The following R3HDM2 variants were observed in gnomAD, a reference collection of about 807,000 sequenced individuals.
R3HDM2 encodes R3H domain-containing protein 2.
A neutral mutation model predicts 124.5 loss-of-function variants in R3HDM2; 38 were observed. The ratio of observed to expected loss-of-function variants is 0.31; its 90% CI spans 0.24 to 0.40. The LOEUF (loss-of-function observed/expected upper bound fraction) is 0.40. Ranked by LOEUF, R3HDM2 falls within the 10% of genes least tolerant of loss-of-function variation. The pLI is 1.00. For missense variants in R3HDM2, 869 were observed against 1,236.9 expected (o/e 0.70, Z 4.46); for synonymous variants, 391 against 448.0 (o/e 0.87, Z 1.61).
intron 2 of R3HDM2, among the ~76,000 whole-genome samples, chr12:57,315,552 A>G (rs2054835112): frequency 6.6e-6 from 1 of 152,226 alleles, no homozygotes; most frequent in East Asian, 1.9e-4. Context: ...CAAAATGACA[A>G]CTTTGCAGCT....
intron 2 of R3HDM2, among the ~76,000 whole-genome samples, chr12:57,365,536 T>C (rs2062536616): frequency 6.6e-6 from 1 of 152,230 alleles, no homozygotes; most frequent in East Asian, 1.9e-4. Flanking sequence ...TATAACTTTC[T>C]TCATGATTTT....
chr12:57,301,618 T>C (rs1035415222), intron 4 of R3HDM2, among the ~76,000 whole-genome samples: 11 of 152,240 alleles, frequency 7.2e-5, no homozygotes, highest in Admixed American at 2.0e-4. Context: ...GTAAGTAACC[T>C]TTGTTTTGAA....
chr12:57,355,064 G>A (rs2061109717), intron 2 of R3HDM2, among the ~76,000 whole-genome samples: 1 of 151,910 alleles, frequency 6.6e-6, no homozygotes. Context: ...GGGATTACAG[G>A]CATAAGACAC....
rs748462019 is a variant in R3HDM2 at position 57,413,428 on chromosome 12, T to TAA, written c.-106+17290_-106+17291dup. ...GGCCAATATAGTGCAACCTTCTATT[T>TAA]AAAAAAAAAAAAAAAAAAAAAAGCA... On this transcript the variant is annotated intron_variant, in intron 1 of 23. Coordinates refer to ENST00000402412, the MANE Select transcript of R3HDM2 (RefSeq NM_001394031.1). Among the ~76,000 whole-genome samples the TAA allele has an allele frequency of 8.0e-3, 852 of 106,454 alleles. 8 individuals carry two copies. The highest frequency in any genetic ancestry group is 0.013 in the Non-Finnish European group (638 of 50,706). 69.8% of individuals were successfully genotyped at this position (106,454 alleles called of 152,430 possible).
intron 1 of R3HDM2, among the ~76,000 whole-genome samples, chr12:57,416,585 T>C (rs2069629990): frequency 6.6e-6 from 1 of 152,186 alleles, no homozygotes; most frequent in African/African-American, 2.4e-5. Context: ...TGAGAAGGGC[T>C]GATTCAGCCC....
chr12:57,300,847 T>C (rs2050959840), intron 4 of R3HDM2, among the ~76,000 whole-genome samples: 3 of 152,154 alleles, frequency 2.0e-5, no homozygotes, highest in Admixed American at 2.0e-4. Context: ...CTCACACCTG[T>C]AAACCTGGCA....
At chr12:57,359,717 G>A (rs1299087147) in intron 2 of R3HDM2, among the ~76,000 whole-genome samples, 3 of 151,898 alleles carry the variant, frequency 2.0e-5, no homozygotes, top group Non-Finnish European at 4.4e-5. Flanking sequence ...GATTTAAATC[G>A]ACCACACTTG....
At chr12:57,323,236 G>A (rs1462076710) in intron 2 of R3HDM2, among the ~76,000 whole-genome samples, 3 of 152,114 alleles carry the variant, frequency 2.0e-5, no homozygotes, top group African/African-American at 4.8e-5. Flanking sequence ...GTATAACTGC[G>A]TGCCTGAAGA....
chr12:57,279,311 T>C (rs2045610397), intron 14 of R3HDM2, among the ~76,000 whole-genome samples: 1 of 150,820 alleles, frequency 6.6e-6, no homozygotes, highest in Non-Finnish European at 1.5e-5. Flanking sequence ...GCCTCCCTAG[T>C]AGCTGGGATT....
Position 57,430,753 on chromosome 12 carries a change from T to G in R3HDM2, c.-139A>C. 1 of 198,982 alleles carries G rather than the reference T, an allele frequency of 5.0e-6. No homozygotes were observed. The highest frequency in any genetic ancestry group is 8.8e-6 in the Non-Finnish European group (1 of 113,382). 12.3% of individuals were successfully genotyped at this position (198,982 alleles called of 1,614,324 possible). On this transcript the variant is annotated 5_prime_UTR_variant, in exon 1 of 24. Transcript: ENST00000402412. ...GGCCTTGGCGGGGAGGGCGCCCACG[T>G]CTCCGCCCGCCGCCCGGGCCCACGG...
At chr12:57,265,650 G>C (rs1447228355) in intron 19 of R3HDM2, among the ~76,000 whole-genome samples, 1 of 152,136 alleles carries the variant, frequency 6.6e-6, no homozygotes, top group African/African-American at 2.4e-5. Context: ...CCTAGAGACA[G>C]GGTCCCACTC....
At chr12:57,395,936 A>C (rs2067434315) in intron 1 of R3HDM2, 118 bp from the exon 2 acceptor site, 6 of 305,336 alleles carry the variant, frequency 2.0e-5, no homozygotes, top group Non-Finnish European at 2.9e-5. Flanking sequence ...CAATTTCTTC[A>C]GCTCACAATG....
intron 2 of R3HDM2, among the ~76,000 whole-genome samples, chr12:57,328,568 C>T (rs1028637355): frequency 6.6e-6 from 1 of 152,080 alleles, no homozygotes; most frequent in Non-Finnish European, 1.5e-5. Context: ...AGTAGGTTGC[C>T]CAGGCTGGAG....
rs572971150 is a variant in R3HDM2, at chr12:57,267,492, T to G, written c.2031-661A>C. On this transcript the variant is annotated intron_variant, in intron 18 of 23. Coordinates refer to ENST00000402412, the MANE Select transcript of R3HDM2 (RefSeq NM_001394031.1). ...ATTGCTTGAACCCAGGAGGTAGAGG[T>G]TGCAGTGAGCTGAGATTGTCATTGT... Among the ~76,000 whole-genome samples the G allele has an allele frequency of 3.9e-5, 6 of 152,054 alleles. No homozygotes were observed. The East Asian group carries it at 1.2e-3, about 29-fold the overall frequency.
At chr12:57,311,943 T>A (rs971466868) in intron 2 of R3HDM2, among the ~76,000 whole-genome samples, 1 of 152,220 alleles carries the variant, frequency 6.6e-6, no homozygotes, top group Non-Finnish European at 1.5e-5. Flanking sequence ...CAGAAGTTGA[T>A]ACTCTACACA....
chr12:57,277,710 A>C (rs1040848944), intron 14 of R3HDM2, among the ~76,000 whole-genome samples: 1 of 152,188 alleles, frequency 6.6e-6, no homozygotes, highest in Non-Finnish European at 1.5e-5. Context: ...GGCCTCCCAA[A>C]GTGCTGGGAT....
chr12:57,384,110 C>T (rs1021318778), intron 2 of R3HDM2, among the ~76,000 whole-genome samples: 46 of 152,134 alleles, frequency 3.0e-4, no homozygotes, highest in African/African-American at 1.1e-3. Flanking sequence ...GCCTGTAATC[C>T]CAGCACTTCG....
At chr12:57,369,857 G>A (rs1037162901) in intron 2 of R3HDM2, among the ~76,000 whole-genome samples, 1 of 152,138 alleles carries the variant, frequency 6.6e-6, no homozygotes, top group Non-Finnish European at 1.5e-5. Context: ...AGAAAAAGAA[G>A]TCAATTCATT....
intron 2 of R3HDM2, among the ~76,000 whole-genome samples, chr12:57,366,462 A>G (rs1022130642): frequency 1.3e-5 from 2 of 152,114 alleles, no homozygotes; most frequent in African/African-American, 4.8e-5. Context: ...TTCGTTTTTA[A>G]AAGTTAGATT....
Sources: allele counts gnomAD v4.1 joint callset (sites outside exome capture counted in the v4.1 genomes callset), GRCh38; gene constraint gnomAD v4.1.1; transcripts MANE v1.5; gene names NCBI Gene and HGNC (gene_info 2026-07-23, HGNC 2026-07-21).